ADAM7: variants seen among roughly 807,000 people sequenced by gnomAD.
ADAM7 encodes the protein ADAM metallopeptidase domain 7.
Under a neutral mutation model 102.9 loss-of-function variants are expected in ADAM7, and 97 were observed. The ratio of observed to expected loss-of-function variants is 0.94; its 90% CI spans 0.80 to 1.12. The LOEUF (loss-of-function observed/expected upper bound fraction) is 1.12. Among genes scored for constraint, ADAM7 ranks in the 50% most tolerant of loss-of-function variants. The pLI is 0.00. For missense variants in ADAM7, 991 were observed against 908.7 expected, an observed-to-expected ratio of 1.09 and a Z score of -1.16; for synonymous variants, 334 against 304.4, an observed-to-expected ratio of 1.10 and a Z score of -1.01.
intron 3 of ADAM7, among the ~76,000 whole-genome samples, chr8:24,450,400 C>G (rs1468138336): frequency 6.6e-6 from 1 of 152,154 alleles, no homozygotes; most frequent in East Asian, 1.9e-4. Flanking sequence ...GTATTTTATT[C>G]TCTTTGAAGC....
chr8:24,493,925 T>C (rs1244658094), intron 16 of ADAM7, among the ~76,000 whole-genome samples: 2 of 152,148 alleles, frequency 1.3e-5, no homozygotes, highest in African/African-American at 4.8e-5. Flanking sequence ...TGGCAAAAGA[T>C]GAAATTGAAG....
Position 24,493,196 on chromosome 8 carries a change from G to A in ADAM7, c.1809G>A (p.Leu603=), listed in dbSNP as rs1820428828. The change falls in exon 16 of 22, where the codon CTG becomes CTA. Residue 603 remains leucine, a synonymous_variant. Transcript: ENST00000175238. The part of the protein sequence containing the change: ...FLYHDSTDIG[L]VASGTKCGEG... ...ACCATGATTCTACAGACATTGGCCT[G>A]GTGGCGTCAGGAACAAAATGTGGAG... The A allele has an allele frequency of 1.2e-6, 2 of 1,608,338 alleles. No homozygotes were observed. Among genetic ancestry groups the A allele is most frequent in the African/African-American group, 1.3e-5 (1 of 74,556 alleles).
chr8:24,493,025 A>G lies in ADAM7; in HGVS notation c.1656-18A>G. ...TGTATTTCTAGTTCCAAGTTTGAATATTCTGCCTTTCCTTCAGAGATGTCA... is the reference window on the plus strand; with the variant it reads ...TGTATTTCTAGTTCCAAGTTTGAATGTTCTGCCTTTCCTTCAGAGATGTCA... On this transcript the variant is annotated intron_variant, in intron 15 of 21. Coordinates refer to ENST00000175238, the MANE Select transcript of ADAM7 (RefSeq NM_003817.4). The G allele has an allele frequency of 1.3e-6, 2 of 1,552,546 alleles. No homozygotes were observed. Among genetic ancestry groups the G allele is most frequent in the Non-Finnish European group, 1.7e-6 (2 of 1,155,802 alleles).
chr8:24,461,484 G>A (rs546086031), intron 3 of ADAM7, among the ~76,000 whole-genome samples: 7 of 152,142 alleles, frequency 4.6e-5, no homozygotes, highest in Non-Finnish European at 7.3e-5. Flanking sequence ...GATGTGCAAA[G>A]GTGTGACTTT....
At chr8:24,490,735 A>T in intron 12 of ADAM7, 64 bp from the exon 13 acceptor site, 1 of 1,493,908 alleles carries the variant, frequency 6.7e-7, no homozygotes. Flanking sequence ...ACAACTAATT[A>T]ATTCTTCAAA....
At chr8:24,465,611 T>C in intron 4 of ADAM7, 88 bp from the exon 5 acceptor site, 1 of 686,462 alleles carries the variant, frequency 1.5e-6, no homozygotes, top group Non-Finnish European at 2.1e-6. Flanking sequence ...AAAACATTGA[T>C]ATATTCTGAA....
At chr8:24,490,753 C>A in intron 12 of ADAM7, 46 bp from the exon 13 acceptor site, 1 of 1,570,640 alleles carries the variant, frequency 6.4e-7, no homozygotes, top group South Asian at 1.1e-5. Flanking sequence ...AAACAGGAGT[C>A]AGAGTACATA....
intron 16 of ADAM7, among the ~76,000 whole-genome samples, chr8:24,494,085 G>T (rs1820473167): frequency 6.6e-6 from 1 of 152,030 alleles, no homozygotes; most frequent in African/African-American, 2.4e-5. Flanking sequence ...AAACTGAATA[G>T]GTTCTCTATG....
chr8:24,447,129 T>C, intron 2 of ADAM7, 57 bp from the exon 3 acceptor site: 9 of 1,029,384 alleles, frequency 8.7e-6, no homozygotes, highest in Non-Finnish European at 1.3e-5. Flanking sequence ...CACTACTTGC[T>C]CCAGAACACA....
rs1310047068 is a variant in ADAM7, at chr8:24,441,154, G to A, written c.46G>A (p.Val16Ile). The change falls in exon 1 of 22, where the codon GTT becomes ATT. Residue 16 changes from valine to isoleucine, a missense_variant. Transcript: ENST00000175238. ...CTTGATGATTTTACTCATTCCTCAG[G>A]TTAAAGGTATGTCTTGCTCTTTTTA... is the stretch of plus-strand genomic sequence containing the variant. Reference protein sequence around the residue: ...IFLMILLIPQVKEKFILGVEG... With the variant: ...IFLMILLIPQIKEKFILGVEG... 1 of 1,612,738 alleles carries A rather than the reference G, an allele frequency of 6.2e-7. No homozygotes were observed. Among genetic ancestry groups the A allele is most frequent in the Non-Finnish European group, 8.5e-7 (1 of 1,178,862 alleles).
intron 13 of ADAM7, 111 bp from the exon 14 acceptor site, chr8:24,491,792 G>C (rs1192899284): frequency 1.3e-6 from 1 of 753,484 alleles, no homozygotes; most frequent in Non-Finnish European, 2.1e-6. Context: ...AGGAAGCTAT[G>C]ATCCATCCTT....
intron 3 of ADAM7, among the ~76,000 whole-genome samples, chr8:24,461,486 T>G (rs1168304716): frequency 6.6e-6 from 1 of 152,222 alleles, no homozygotes; most frequent in African/African-American, 2.4e-5. Flanking sequence ...TGTGCAAAGG[T>G]GTGACTTTCT....
chr8:24,476,595 T>C, intron 8 of ADAM7, 91 bp downstream of exon 8: 3 of 987,356 alleles, frequency 3.0e-6, no homozygotes, highest in Non-Finnish European at 4.6e-6. Flanking sequence ...TGTAGTTACC[T>C]GATATTAAGG....
At chr8:24,441,800 C>A (rs1019859099) in intron 1 of ADAM7, among the ~76,000 whole-genome samples, 1 of 152,174 alleles carries the variant, frequency 6.6e-6, no homozygotes. Flanking sequence ...AGACCAAATT[C>A]AGTAATTTAC....
chr8:24,467,602 G>A (rs1005129587), intron 6 of ADAM7: 1 of 152,212 alleles, frequency 6.6e-6, no homozygotes, highest in African/African-American at 2.4e-5. Context: ...GATGTTTCCT[G>A]ATTGAATAAA....
intron 3 of ADAM7, among the ~76,000 whole-genome samples, chr8:24,448,467 C>T (rs1169680706): frequency 1.3e-5 from 2 of 152,118 alleles, no homozygotes; most frequent in African/African-American, 4.8e-5. Context: ...CTGCCTCATT[C>T]CCTCAGTTCT....
chr8:24,461,500 C>T (rs1819241225), intron 3 of ADAM7, among the ~76,000 whole-genome samples: 1 of 152,160 alleles, frequency 6.6e-6, no homozygotes, highest in Non-Finnish European at 1.5e-5. Context: ...ACTTTCTTCT[C>T]GTAAATGCTG....
At position 24,491,981 on chromosome 8, in the gene ADAM7, GCCTGT is replaced by G. The variant is rs1488941686; in HGVS notation, c.1439_1443del (p.Cys480Ter). On this transcript the variant is annotated frameshift_variant, in exon 14 of 22. Transcript: ENST00000175238. LOFTEE classifies it high-confidence loss of function. ...TGAGATGTGCACTGGCCACTCGCCT[GCCTGT>G]CCTAAGGACCAGTTCAGGGTCAATG... The G allele has an allele frequency of 6.2e-7, 1 of 1,613,814 alleles. No individual in the cohort carries two copies. Among genetic ancestry groups the G allele is most frequent in the African/African-American group, 1.3e-5 (1 of 74,918 alleles).
At chr8:24,454,458 A>T (rs1164837518) in intron 3 of ADAM7, among the ~76,000 whole-genome samples, 2 of 152,214 alleles carry the variant, frequency 1.3e-5, no homozygotes, top group South Asian at 2.1e-4. Context: ...CCTCCGAGCC[A>T]GGTGCGGGAT....
Sources: gnomAD v4.1 joint callset for allele counts (sites outside exome capture counted in the v4.1 genomes callset) on GRCh38, gnomAD v4.1.1 for gene constraint, MANE v1.5 for transcripts, NCBI Gene and HGNC (gene_info 2026-07-23, HGNC 2026-07-21) for gene names.